SLC29A1: variants seen among roughly 807,000 people sequenced by gnomAD.
SLC29A1 encodes the protein equilibrative nucleoside transporter 1.
A neutral mutation model predicts 48.3 loss-of-function variants in SLC29A1; 22 were observed. That is an observed-to-expected ratio of 0.46 (90% CI 0.33 to 0.65). The LOEUF (loss-of-function observed/expected upper bound fraction) is 0.65, where lower values mean the gene tolerates loss of function less well. SLC29A1 is among the 30% of genes least tolerant of loss of function. The pLI, the probability that SLC29A1 is intolerant of heterozygous loss-of-function variation, is 0.03. For synonymous variants in SLC29A1, 228 were observed against 231.0 expected (o/e 0.99, Z 0.12); for missense variants, 491 against 575.3 (o/e 0.85, Z 1.50).
At chr6:44,230,243 CA>C in intron 5 of SLC29A1, 103 bp from the exon 6 acceptor site, 1 of 1,538,970 alleles carries the variant, frequency 6.5e-7, no homozygotes, top group Non-Finnish European at 8.8e-7. Context: ...AGCTCAGCCT[CA>C]AGGCTCACCA....
chr6:44,233,177 G>T (rs1027722215), intron 12 of SLC29A1, among the ~76,000 whole-genome samples, 171 bp downstream of exon 12: 1 of 152,176 alleles, frequency 6.6e-6, no homozygotes, highest in Non-Finnish European at 1.5e-5. Context: ...GTGGAGGGGG[G>T]CGCCAAGCTT....
In SLC29A1 at chr6:44,229,750, C is replaced by G; in HGVS notation, c.273C>G (p.Pro91=). 3 of 1,613,918 alleles carry G rather than the reference C, an allele frequency of 1.9e-6. No homozygotes were observed. In the South Asian group the frequency reaches 3.3e-5, roughly 18 times the overall value. ...TCATGACCCTATGTGCCATGCTGCC[C>G]CTGCTGTTATTCACCTACCTCAACT... ...NNVMTLCAML[P]LLLFTYLNSF... Residue 91 remains proline, a synonymous_variant, in exon 4 of 13, where the codon CCC becomes CCG. Transcript: ENST00000371755. This position sits in a 1 kb window ranked among gnomAD's most constrained non-coding sequence, Gnocchi z 5.1.
Position 44,227,345 on chromosome 6 carries a change from A to T in SLC29A1, c.29+3A>T, listed in dbSNP as rs780095707. 1 of 1,612,540 alleles carries T rather than the reference A, an allele frequency of 6.2e-7. No homozygotes were observed. Among genetic ancestry groups the T allele is most frequent in the Non-Finnish European group, 8.5e-7 (1 of 1,178,622 alleles). ...ACCAGTCACCAGCCTCAGGACAGGTAAGGGGTAAGGGGCTGGGCTGTGGAT... is the reference window on the plus strand; with the variant it reads ...ACCAGTCACCAGCCTCAGGACAGGTTAGGGGTAAGGGGCTGGGCTGTGGAT... On this transcript the variant is annotated splice_donor_region_variant and intron_variant, in intron 2 of 12. Coordinates refer to ENST00000371755, the MANE Select transcript of SLC29A1 (RefSeq NM_001372327.1).
chr6:44,230,841 C>T lies in SLC29A1; in HGVS notation c.718C>T (p.Leu240Phe). ...EFYRYYQQLK[L>F]EGPGEQETKL... ...CTACCGCTACTACCAGCAGCTCAAG[C>T]TTGAAGGACCCGGGGAGCAGGAGAC... The change falls in exon 8 of 13, where the codon CTT (leucine) becomes TTT (phenylalanine). Residue 240 changes from leucine (L) to phenylalanine (F), a missense_variant. By Grantham distance (22) the Leu-to-Phe change is conservative. Transcript: ENST00000371755. 6.2e-7 allele frequency: 1 copy of T among 1,614,126 alleles called. No homozygotes were observed. The highest frequency in any genetic ancestry group is 8.5e-7 in the Non-Finnish European group (1 of 1,180,020).
At chr6:44,231,334 C>T in intron 8 of SLC29A1, 30 bp from the exon 9 acceptor site, 1 of 1,435,172 alleles carries the variant, frequency 7.0e-7, no homozygotes, top group Non-Finnish European at 9.7e-7. Context: ...CTGTCTTCCC[C>T]ACAACTTGGA....
intron 1 of SLC29A1, 23 bp from the exon 2 acceptor site, chr6:44,227,240 C>A (rs1313490872): frequency 1.2e-6 from 2 of 1,607,680 alleles, no homozygotes; most frequent in Admixed American, 3.4e-5. Context: ...GACAGGGCCT[C>A]ACACTGTTCC....
chr6:44,231,129 A>G (rs1183362890), intron 8 of SLC29A1, among the ~76,000 whole-genome samples: 1 of 152,116 alleles, frequency 6.6e-6, no homozygotes, highest in Non-Finnish European at 1.5e-5. Context: ...AGTGGGAAGC[A>G]ATTTCAGATT....
chr6:44,232,948 G>T lies in SLC29A1; in HGVS notation c.1201G>T (p.Ala401Ser). 1 of 1,614,018 alleles carries T rather than the reference G, an allele frequency of 6.2e-7. No homozygotes were observed. Among genetic ancestry groups the T allele is most frequent in the Non-Finnish European group, 8.5e-7 (1 of 1,180,046 alleles). Residue 401 changes from alanine (A) to serine (S), a missense_variant, in exon 12 of 13, where the codon GCT (alanine) becomes TCT (serine). By Grantham distance (99) the Ala-to-Ser change is moderately conservative. Coordinates refer to ENST00000371755, the MANE Select transcript of SLC29A1 (RefSeq NM_001372327.1). This position sits in a 1 kb window ranked among gnomAD's most constrained non-coding sequence, Gnocchi z 4.7. ...EHDAWFIFFM[A>S]AFAFSNGYLA... Reference sequence around the variant, plus strand: ...CGATGCCTGGTTCATCTTCTTCATGGCTGCCTTTGCCTTCTCCAACGGCTA... The same window carrying T: ...CGATGCCTGGTTCATCTTCTTCATGTCTGCCTTTGCCTTCTCCAACGGCTA...
chr6:44,220,664 A>AAG (rs1264219536), upstream of SLC29A1, among the ~76,000 whole-genome samples: 1 of 78,056 alleles, frequency 1.3e-5, no homozygotes, highest in East Asian at 4.7e-4. Context: ...AAAAAAAAAA[A>AAG]AAATACAAAA....
At chr6:44,219,830 G>A (rs1040892392), upstream of SLC29A1, 3 of 1,073,456 alleles carry the variant, frequency 2.8e-6, no homozygotes, top group Non-Finnish European at 3.7e-6. Flanking sequence ...GTGGGGTGGG[G>A]GCGAGGTCTG....
In SLC29A1 at chr6:44,232,832, C is replaced by CT. The variant is rs762868529; in HGVS notation, c.1085_1086insT (p.Ser363LysfsTer19). 4.3e-6 allele frequency: 7 copies of CT among 1,612,820 alleles called. No homozygotes were observed. The South Asian group carries it at 6.6e-5, about 15-fold the overall frequency. Reference sequence around the variant, plus strand: ...CCTGGGAAGGACAGCCGCTGGCTGCCAAGCCTGGTGCTGGCCCGGCTGGTG... The same window carrying CT: ...CCTGGGAAGGACAGCCGCTGGCTGCCTAAGCCTGGTGCTGGCCCGGCTGGTG... On this transcript the variant is annotated frameshift_variant, in exon 12 of 13. Coordinates refer to ENST00000371755, the MANE Select transcript of SLC29A1 (RefSeq NM_001372327.1). LOFTEE classifies it high-confidence loss of function. This position sits in a 1 kb window ranked among gnomAD's most constrained non-coding sequence, Gnocchi z 4.7.
intron 1 of SLC29A1, chr6:44,226,629 G>T (rs1777584188): frequency 4.4e-6 from 2 of 457,872 alleles, no homozygotes; most frequent in Non-Finnish European, 5.7e-6. Context: ...AGAGAGACTG[G>T]AATCTGGGTT....
chr6:44,221,558 AACCCTTCCC>A, upstream of SLC29A1: 1 of 1,148,100 alleles, frequency 8.7e-7, no homozygotes, highest in Non-Finnish European at 1.2e-6. This position sits in a 1 kb window ranked among gnomAD's most constrained non-coding sequence, Gnocchi z 4.2. Flanking sequence ...CAGCAGGACC[AACCCTTCCC>A]ACCCCACCCC....
At chr6:44,224,514 T>C (rs1368710188) in intron 1 of SLC29A1, among the ~76,000 whole-genome samples, 1 of 151,930 alleles carries the variant, frequency 6.6e-6, no homozygotes, top group Non-Finnish European at 1.5e-5. Flanking sequence ...TATACCTCTC[T>C]CCATTCCAAA....
upstream of SLC29A1, chr6:44,221,608 G>A (rs966425381): frequency 1.6e-6 from 2 of 1,289,610 alleles, no homozygotes; most frequent in Middle Eastern, 2.1e-4. This position sits in a 1 kb window ranked among gnomAD's most constrained non-coding sequence, Gnocchi z 4.2. Flanking sequence ...GCTCAGGGAG[G>A]GAGAGAAGCC....
chr6:44,233,070 C>T (rs1779255675), intron 12 of SLC29A1, 64 bp downstream of exon 12: 1 of 1,522,628 alleles, frequency 6.6e-7, no homozygotes, highest in Admixed American at 1.7e-5. Context: ...GTGGGGGACA[C>T]TCAGTAGAGG....
At position 44,233,666 on chromosome 6, in the gene SLC29A1, G is replaced by A. The variant is rs984177713; in HGVS notation, c.*138G>A. 14 of 684,544 alleles carry A rather than the reference G, an allele frequency of 2.0e-5. No homozygotes were observed. Among genetic ancestry groups the A allele is most frequent in the East Asian group, 1.3e-4 (5 of 37,586 alleles). The allele number at this position is 684,544 out of a possible 1,614,324, so 42.4% of individuals were successfully genotyped here. ...GCTTTCCACGGCGTGTGCTGGGCCC[G>A]GATCTCCAGGCCCTGGGGAGGGAGC... On this transcript the variant is annotated 3_prime_UTR_variant, in exon 13 of 13. Coordinates refer to ENST00000371755, the MANE Select transcript of SLC29A1 (RefSeq NM_001372327.1).
At chr6:44,221,988 T>C (rs547976767), upstream of SLC29A1, among the ~76,000 whole-genome samples, 1 of 152,246 alleles carries the variant, frequency 6.6e-6, no homozygotes, top group Admixed American at 6.5e-5. The surrounding 1 kb of genome is among the most constrained non-coding windows in gnomAD (Gnocchi z 4.2). Flanking sequence ...CCACCAGCCT[T>C]GCCATGCCTG....
Position 44,230,983 on chromosome 6 carries a change from C to G in SLC29A1, c.766+94C>G. On this transcript the variant is annotated intron_variant, in intron 8 of 12. Transcript: ENST00000371755. Reference sequence around the variant, plus strand: ...AACAAAGATGAGTGCCCTGTGTTAGCTAGCAGCCCTGAGCCAGAGGAGGAC... The same window carrying G: ...AACAAAGATGAGTGCCCTGTGTTAGGTAGCAGCCCTGAGCCAGAGGAGGAC... 4 of 954,036 alleles carry G rather than the reference C, an allele frequency of 4.2e-6. No individual in the cohort carries two copies. In the South Asian group the frequency reaches 5.2e-5, roughly 12 times the overall value. 59.1% of individuals were successfully genotyped at this position (954,036 alleles called of 1,614,324 possible).
Sources: gnomAD v4.1 joint callset for allele counts (sites outside exome capture counted in the v4.1 genomes callset) on GRCh38, gnomAD v4.1.1 for gene constraint, Gnocchi (gnomAD v3.1) non-coding constraint, MANE v1.5 for transcripts, NCBI Gene and HGNC (gene_info 2026-07-23, HGNC 2026-07-21) for gene names.